KIF13B: variants seen among roughly 807,000 people sequenced by gnomAD.
KIF13B encodes the protein kinesin-like protein KIF13B.
Under a neutral mutation model 222.0 loss-of-function variants are expected in KIF13B, and 127 were observed. The observed-to-expected ratio is 0.57, with a 90% CI of 0.50 to 0.66. KIF13B has a LOEUF of 0.66. Among genes scored for constraint, KIF13B ranks in the 30% least tolerant of loss-of-function variants. KIF13B has a pLI of 0.00. For synonymous variants in KIF13B, 976 were observed against 919.0 expected, an observed-to-expected ratio of 1.06 and a Z score of -1.12; for missense variants, 2,173 against 2,379.0, an observed-to-expected ratio of 0.91 and a Z score of 1.80.
At chr8:29,186,224 G>T in intron 6 of KIF13B, 68 bp downstream of exon 6, 1 of 1,247,016 alleles carries the variant, frequency 8.0e-7, no homozygotes, top group Non-Finnish European at 1.1e-6. Flanking sequence ...AAAAAGATTT[G>T]CACTTAAGCC....
rs1314381334 is a variant in KIF13B at position 29,108,148 on chromosome 8, G to C, written c.4206C>G (p.Gly1402=). ...RQDLIPSYSL[G]SNKGRWESQQ... ...TAGTTAAAACACCTACCTTGTTGCT[G>C]CCTAGACTGTATGATGGAATGAGAT... Residue 1402 remains glycine (G), a synonymous_variant, in exon 35 of 40, where the codon GGC becomes GGG. Coordinates refer to ENST00000524189, the MANE Select transcript of KIF13B (RefSeq NM_015254.4). 2 of 1,611,068 alleles carry C rather than the reference G, an allele frequency of 1.2e-6. No individual in the cohort carries two copies. Among genetic ancestry groups the C allele is most frequent in the African/African-American group, 2.7e-5 (2 of 74,888 alleles).
chr8:29,213,130 T>C (rs1814306243), intron 2 of KIF13B, among the ~76,000 whole-genome samples: 1 of 152,152 alleles, frequency 6.6e-6, no homozygotes, highest in South Asian at 2.1e-4. Context: ...CTTAACCTCA[T>C]TCAACCTCTC....
intron 2 of KIF13B, among the ~76,000 whole-genome samples, chr8:29,227,824 G>A (rs377158492): frequency 5.3e-5 from 8 of 152,070 alleles, no homozygotes; most frequent in East Asian, 1.9e-4. Context: ...GGTGGTGCAC[G>A]CCTGTAGCCC....
chr8:29,229,978 T>C (rs1250512847), intron 2 of KIF13B, among the ~76,000 whole-genome samples: 1 of 152,232 alleles, frequency 6.6e-6, no homozygotes, highest in African/African-American at 2.4e-5. Flanking sequence ...GATGTTTTAA[T>C]AAATAAAATT....
chr8:29,220,601 T>G (rs533976674), intron 2 of KIF13B, among the ~76,000 whole-genome samples: 1 of 149,788 alleles, frequency 6.7e-6, no homozygotes, highest in South Asian at 2.2e-4. Flanking sequence ...AGCCCATGGG[T>G]TTTGATAATA....
rs1342764895 is a variant in KIF13B at position 29,140,145 on chromosome 8, A to G, written c.2531T>C (p.Val844Ala). The change falls in exon 21 of 40, where the codon GTT (valine) becomes GCT (alanine). Residue 844 changes from valine (V) to alanine (A), a missense_variant. By Grantham distance (64) the Val-to-Ala change is moderately conservative. Coordinates refer to ENST00000524189, the MANE Select transcript of KIF13B (RefSeq NM_015254.4). ...ATCGCCTCCTGCGATCCTCTCCCCAACATCACCACTGAGTCGCATCACCTC... is the reference window on the plus strand; with the variant it reads ...ATCGCCTCCTGCGATCCTCTCCCCAGCATCACCACTGAGTCGCATCACCTC... ...HVEVMRLSGD[V>A]GERIAGGDEV... The G allele has an allele frequency of 6.8e-6, 11 of 1,613,568 alleles. No homozygotes were observed. Among genetic ancestry groups the G allele is most frequent in the African/African-American group, 5.3e-5 (4 of 74,890 alleles).
intron 5 of KIF13B, among the ~76,000 whole-genome samples, chr8:29,186,846 G>A (rs1352881089): frequency 6.6e-6 from 1 of 151,634 alleles, no homozygotes. Context: ...GCACGTGCTT[G>A]TAGTCCCAGC....
intron 2 of KIF13B, among the ~76,000 whole-genome samples, chr8:29,236,167 A>G (rs565331501): frequency 3.2e-4 from 49 of 152,302 alleles, no homozygotes; most frequent in African/African-American, 1.2e-3. Context: ...AACACTGAAA[A>G]TTTGATGCCA....
chr8:29,206,481 GA>G (rs148641865), intron 2 of KIF13B, among the ~76,000 whole-genome samples: 18,206 of 152,126 alleles, frequency 0.12, 1,239 homozygotes, highest in South Asian at 0.15. Context: ...TTCCTTGAGT[GA>G]AAATTCAATT....
chr8:29,100,505 G>A (rs945382988), intron 35 of KIF13B, among the ~76,000 whole-genome samples: 1 of 151,598 alleles, frequency 6.6e-6, no homozygotes, highest in Admixed American at 6.6e-5. Flanking sequence ...TTTCATTGGC[G>A]CAATCTCGGC....
At chr8:29,188,486 TTA>T in intron 5 of KIF13B, 27 bp downstream of exon 5, 1 of 1,305,238 alleles carries the variant, frequency 7.7e-7, no homozygotes, top group Non-Finnish European at 1.1e-6. Flanking sequence ...TGATGGTTGT[TTA>T]TGTGATTTCA....
chr8:29,236,444 G>T (rs1815511446), intron 2 of KIF13B, among the ~76,000 whole-genome samples: 1 of 152,180 alleles, frequency 6.6e-6, no homozygotes, highest in East Asian at 1.9e-4. Context: ...GCCTAAATTG[G>T]CATATCTTTT....
chr8:29,246,202 C>T (rs574421469), intron 1 of KIF13B, among the ~76,000 whole-genome samples: 1 of 152,130 alleles, frequency 6.6e-6, no homozygotes, highest in South Asian at 2.1e-4. Context: ...CAACATGAAA[C>T]CCTGTCTCTA....
chr8:29,186,982 A>G (rs1219565797), intron 5 of KIF13B, among the ~76,000 whole-genome samples: 2 of 151,740 alleles, frequency 1.3e-5, no homozygotes, highest in African/African-American at 4.8e-5. Context: ...AAAAAAAAAA[A>G]AAAAGAAAAA....
chr8:29,123,427 C>G lies in KIF13B; in HGVS notation c.3418G>C (p.Glu1140Gln). Residue 1140 changes from glutamate to glutamine, a missense_variant, in exon 28 of 40, where the codon GAG (glutamate) becomes CAG (glutamine). By Grantham distance (29) the Glu-to-Gln change is conservative. This residue lies in a region of KIF13B where 1,480 missense variants were observed against 1,722.8 expected (regional missense o/e 0.86). Coordinates refer to ENST00000524189, the MANE Select transcript of KIF13B (RefSeq NM_015254.4). ...LLEMRLTLTE[E>Q]RNAVMVPSAG... ...GAGGGGACCATCACCGCGTTCCTCT[C>G]CTCAGTTAGGGTCAACCGCATCTCC... 6.2e-7 allele frequency: 1 copy of G among 1,614,082 alleles called. No homozygotes were observed. Among genetic ancestry groups the G allele is most frequent in the South Asian group, 1.1e-5 (1 of 91,088 alleles).
chr8:29,093,476 T>C (rs2133552336), intron 36 of KIF13B, among the ~76,000 whole-genome samples: 1 of 152,326 alleles, frequency 6.6e-6, no homozygotes, highest in South Asian at 2.1e-4. Flanking sequence ...ATACTTATGA[T>C]ATACTAAGAC....
At position 29,072,148 on chromosome 8, in the gene KIF13B, C is replaced by T; in HGVS notation, c.4690G>A (p.Ala1564Thr). The change falls in exon 39 of 40, where the codon GCC becomes ACC. Residue 1564 changes from alanine (A) to threonine (T), a missense_variant. By Grantham distance (58) the Ala-to-Thr change is moderately conservative (BLOSUM62 0). This residue lies in a region of KIF13B where 693 missense variants were observed against 656.2 expected (regional missense o/e 1.06). Transcript: ENST00000524189. Reference protein sequence around the residue: ...QDGPPSPLSEASSGYFSHSVS... With the variant: ...QDGPPSPLSETSSGYFSHSVS... ...CTGTGGGAGAAGTACCCGCTAGAGG[C>T]TTCACTCAGGGGGCTGGGGGGCCCG... is the stretch of plus-strand genomic sequence containing the variant. The T allele has an allele frequency of 7.1e-7, 1 of 1,408,174 alleles. No individual in the cohort carries two copies. The highest frequency in any genetic ancestry group is 2.8e-5 in the East Asian group (1 of 35,350). 87.2% of individuals were successfully genotyped at this position (1,408,174 alleles called of 1,614,324 possible). A position where few individuals can be genotyped will look rare whatever the true frequency, so the allele number is the denominator to read the frequency against.
At chr8:29,138,303 C>T (rs1810655986) in intron 21 of KIF13B, among the ~76,000 whole-genome samples, 1 of 151,998 alleles carries the variant, frequency 6.6e-6, no homozygotes, top group African/African-American at 2.4e-5. Flanking sequence ...CCACTGTACT[C>T]CAGCCTGGGT....
intron 2 of KIF13B, among the ~76,000 whole-genome samples, chr8:29,204,969 T>TC (rs1034302180): frequency 6.6e-6 from 1 of 151,950 alleles, no homozygotes; most frequent in Non-Finnish European, 1.5e-5. Flanking sequence ...TTAACTAATT[T>TC]CCCCCCAGCC....
Sources: allele counts gnomAD v4.1 joint callset (sites outside exome capture counted in the v4.1 genomes callset), GRCh38; gene constraint gnomAD v4.1.1; regional missense constraint gnomAD v4.1.1; transcripts MANE v1.5; gene names NCBI Gene and HGNC (gene_info 2026-07-23, HGNC 2026-07-21).